Variants in ERC2 observed in about 807,000 individuals in gnomAD.
ERC2 encodes ELKS/RAB6-interacting/CAST family member 2, also known as ERC protein 2.
Under a neutral mutation model 114.8 loss-of-function variants are expected in ERC2, and 42 were observed. The ratio of observed to expected loss-of-function variants is 0.37; its 90% CI spans 0.29 to 0.47. ERC2 has a LOEUF of 0.47. Among genes scored for constraint, ERC2 ranks in the 20% least tolerant of loss-of-function variants. The pLI is 0.99. For synonymous variants in ERC2, 454 were observed against 425.5 expected, an observed-to-expected ratio of 1.07 and a Z score of -0.82; for missense variants, 939 against 1,150.7, an observed-to-expected ratio of 0.82 and a Z score of 2.66.
intron 14 of ERC2, among the ~76,000 whole-genome samples, chr3:55,821,351 G>A (rs888941063): frequency 6.6e-6 from 1 of 152,192 alleles, no homozygotes; most frequent in Non-Finnish European, 1.5e-5. Context: ...GAGCACTTGA[G>A]TTCTGGGAAA....
chr3:56,297,517 T>C (rs767040779), intron 2 of ERC2, among the ~76,000 whole-genome samples: 109 of 152,198 alleles, frequency 7.2e-4, no homozygotes, highest in Non-Finnish European at 1.5e-3. Flanking sequence ...TGCTTGAAGA[T>C]AGTTGATGAA....
intron 17 of ERC2, among the ~76,000 whole-genome samples, chr3:55,532,818 A>G (rs918106128): frequency 5.3e-5 from 8 of 152,218 alleles, no homozygotes; most frequent in Non-Finnish European, 8.8e-5. Context: ...TCACTTTTAC[A>G]TTTATTCCAA....
chr3:55,696,914 C>T (rs2062962902), intron 16 of ERC2, among the ~76,000 whole-genome samples: 1 of 152,196 alleles, frequency 6.6e-6, no homozygotes, highest in Non-Finnish European at 1.5e-5. Context: ...GCCTTACTGA[C>T]TTGATGACTT....
At chr3:55,646,070 G>T (rs544994404) in intron 17 of ERC2, among the ~76,000 whole-genome samples, 1 of 152,182 alleles carries the variant, frequency 6.6e-6, no homozygotes, top group South Asian at 2.1e-4. Context: ...ATTTCACAAC[G>T]CCCCCATCCC....
chr3:55,907,804 G>A (rs190673139), intron 13 of ERC2, among the ~76,000 whole-genome samples: 8 of 152,296 alleles, frequency 5.3e-5, no homozygotes, highest in Admixed American at 5.2e-4. Context: ...AGCAAGGACT[G>A]GAGATTAAAA....
At chr3:55,909,164 C>T (rs1481159459) in intron 13 of ERC2, among the ~76,000 whole-genome samples, 1 of 152,168 alleles carries the variant, frequency 6.6e-6, no homozygotes, top group Non-Finnish European at 1.5e-5. Context: ...CATCTCGGCC[C>T]CTCTGCCAAG....
chr3:55,511,553 A>C (rs1460724729), intron 17 of ERC2, among the ~76,000 whole-genome samples: 1 of 152,206 alleles, frequency 6.6e-6, no homozygotes, highest in Non-Finnish European at 1.5e-5. Context: ...GATATACAAA[A>C]AAGGAAATTG....
At chr3:55,797,842 C>T (rs778976283) in intron 14 of ERC2, among the ~76,000 whole-genome samples, 11 of 152,200 alleles carry the variant, frequency 7.2e-5, no homozygotes, top group Non-Finnish European at 1.3e-4. Flanking sequence ...GAAAAATGAG[C>T]ACGCAACAAC....
intron 3 of ERC2, among the ~76,000 whole-genome samples, chr3:56,224,077 T>A (rs555718256): frequency 5.6e-4 from 85 of 152,342 alleles, no homozygotes; most frequent in African/African-American, 1.9e-3. Flanking sequence ...TTATGTATAA[T>A]CATATTTTTA....
chr3:55,893,795 A>C (rs372030058), intron 13 of ERC2, among the ~76,000 whole-genome samples: 10 of 152,294 alleles, frequency 6.6e-5, no homozygotes, highest in African/African-American at 2.4e-4. Context: ...CCACATGTAT[A>C]ATAAGGTAGA....
chr3:55,853,530 TA>T (rs1228127045), intron 14 of ERC2, among the ~76,000 whole-genome samples: 1 of 150,904 alleles, frequency 6.6e-6, no homozygotes, highest in Non-Finnish European at 1.5e-5. Flanking sequence ...CTGTCTCAAA[TA>T]AACAAAGAAA....
Position 56,171,821 on chromosome 3 carries a change from C to G in ERC2, c.1149+1625G>C, listed in dbSNP as rs554571063. Among the ~76,000 whole-genome samples, 5 of 149,564 alleles carry G rather than the reference C, an allele frequency of 3.3e-5. No individual in the cohort carries two copies. The East Asian group carries it at 9.8e-4, about 29-fold the overall frequency. ...AGAAGAGATGTTTCTCCTGTTTTTTCCAAAGGCCTTGGAAACTCGCTCTTT... is the reference window on the plus strand; with the variant it reads ...AGAAGAGATGTTTCTCCTGTTTTTTGCAAAGGCCTTGGAAACTCGCTCTTT... On this transcript the variant is annotated intron_variant, in intron 4 of 17. Transcript: ENST00000288221.
At chr3:55,530,454 C>T (rs1401305753) in intron 17 of ERC2, among the ~76,000 whole-genome samples, 2 of 100,740 alleles carry the variant, frequency 2.0e-5, no homozygotes, top group East Asian at 6.1e-4. Context: ...TGGCTTGAAA[C>T]GTCTGACCTG....
At chr3:56,147,041 A>G (rs530488075) in intron 5 of ERC2, among the ~76,000 whole-genome samples, 1 of 152,316 alleles carries the variant, frequency 6.6e-6, no homozygotes, top group African/African-American at 2.4e-5. Flanking sequence ...ATTTCATGAC[A>G]TTTTCAGCTG....
At chr3:55,841,647 AC>A (rs1007718375) in intron 14 of ERC2, among the ~76,000 whole-genome samples, 1 of 152,228 alleles carries the variant, frequency 6.6e-6, no homozygotes, top group Non-Finnish European at 1.5e-5. Context: ...CTTTCAAAAA[AC>A]ATAAGGCAAG....
intron 17 of ERC2, among the ~76,000 whole-genome samples, chr3:55,632,561 A>T (rs543467110): frequency 2.4e-4 from 36 of 152,268 alleles, no homozygotes; most frequent in Non-Finnish European, 4.7e-4. Flanking sequence ...TGGCCCAAAG[A>T]CATCTGGCTT....
chr3:56,123,677 C>T (rs1356460486), intron 6 of ERC2, among the ~76,000 whole-genome samples: 1 of 152,236 alleles, frequency 6.6e-6, no homozygotes, highest in Non-Finnish European at 1.5e-5. Context: ...ATTCCTCACA[C>T]AGCAGTCAGA....
At chr3:55,891,438 T>C (rs2063592458) in intron 13 of ERC2, among the ~76,000 whole-genome samples, 1 of 63,322 alleles carries the variant, frequency 1.6e-5, no homozygotes, top group African/African-American at 6.2e-5. Context: ...TCTGGTTCTA[T>C]TTTTTTTTTT....
intron 17 of ERC2, among the ~76,000 whole-genome samples, chr3:55,598,257 T>C (rs914309078): frequency 8.5e-5 from 13 of 152,236 alleles, no homozygotes; most frequent in Admixed American, 3.9e-4. Context: ...AAGGACTGCA[T>C]TGTCCAATTA....
Sources: allele counts gnomAD v4.1 joint callset (sites outside exome capture counted in the v4.1 genomes callset), GRCh38; gene constraint gnomAD v4.1.1; transcripts MANE v1.5; gene names NCBI Gene and HGNC (gene_info 2026-07-23, HGNC 2026-07-21).